The following CNTNAP4 variants were observed in gnomAD, a reference collection of about 807,000 sequenced individuals.
The protein encoded by CNTNAP4 is contactin-associated protein-like 4.
CNTNAP4 carries 98 observed loss-of-function variants against 148.4 expected under a neutral mutation model. The observed-to-expected ratio is 0.66, with a 90% CI of 0.56 to 0.78. The LOEUF is 0.78. CNTNAP4 is among the 30% of genes least tolerant of loss of function. The pLI is 0.00. For missense variants in CNTNAP4, 1,935 were observed against 1,565.6 expected, an observed-to-expected ratio of 1.24 and a Z score of -3.98; for synonymous variants, 730 against 565.1, an observed-to-expected ratio of 1.29 and a Z score of -4.14.
intron 2 of CNTNAP4, among the ~76,000 whole-genome samples, chr16:76,343,472 T>G (rs978154142): frequency 1.3e-5 from 2 of 152,212 alleles, no homozygotes; most frequent in African/African-American, 2.4e-5. Context: ...ATCTTTTTCT[T>G]GGCAAATCCA....
At chr16:76,486,510 A>C (rs2082032745) in intron 12 of CNTNAP4, among the ~76,000 whole-genome samples, 1 of 152,168 alleles carries the variant, frequency 6.6e-6, no homozygotes, top group African/African-American at 2.4e-5. Context: ...CAGACAAGAC[A>C]AGAATTATTT....
chr16:76,439,714 A>G (rs897541550), intron 4 of CNTNAP4, among the ~76,000 whole-genome samples: 7 of 152,120 alleles, frequency 4.6e-5, no homozygotes, highest in African/African-American at 1.7e-4. Flanking sequence ...AAAAGATAAT[A>G]AGGGCACCTT....
At position 76,462,009 on chromosome 16, in the gene CNTNAP4, A is replaced by G. The variant is rs2080986831; in HGVS notation, c.1387A>G (p.Asn463Asp). Residue 463 changes from asparagine to aspartate, a missense_variant, in exon 9 of 24, where the codon AAT becomes GAT. Physicochemically the swap from Asn to Asp is conservative, Grantham distance 23 (BLOSUM62 1). Coordinates refer to ENST00000611870, the MANE Select transcript of CNTNAP4 (RefSeq NM_033401.5). ...WHSVSLSAKK[N>D]HLSVAVDGQM... ...TTCTGTCTCTTTATCTGCTAAAAAG[A>G]ATCACTTGAGTGTGGCGGTGGACGG... 1 of 1,613,892 alleles carries G rather than the reference A, an allele frequency of 6.2e-7. No individual in the cohort carries two copies. The highest frequency in any genetic ancestry group is 8.5e-7 in the Non-Finnish European group (1 of 1,179,814).
At position 76,416,103 on chromosome 16, in the gene CNTNAP4, G is replaced by T. The variant is rs926892923; in HGVS notation, c.391-11349G>T. 2.3e-4 allele frequency among the ~76,000 whole-genome samples: 34 copies of T among 150,972 alleles called. No homozygotes were observed. The Middle Eastern group carries it at 0.01, about 45-fold the overall frequency. On this transcript the variant is annotated intron_variant, in intron 3 of 23. Coordinates refer to ENST00000611870, the MANE Select transcript of CNTNAP4 (RefSeq NM_033401.5). The stretch of plus-strand genomic sequence containing the variant: ...TGATATCCATGGGCTCAATATTGGT[G>T]ACTTTGCTTTCATTTGTGATATTGA...
At chr16:76,470,651 G>A (rs1242393985) in intron 10 of CNTNAP4, among the ~76,000 whole-genome samples, 1 of 150,236 alleles carries the variant, frequency 6.7e-6, no homozygotes, top group East Asian at 1.9e-4. Context: ...ACGCCGTCTC[G>A]AAAAACAAAA....
At chr16:76,429,131 C>T (rs2079525247) in intron 4 of CNTNAP4, among the ~76,000 whole-genome samples, 1 of 152,158 alleles carries the variant, frequency 6.6e-6, no homozygotes, top group Admixed American at 6.6e-5. Context: ...CTTCAACAAT[C>T]CAGCTTAGCT....
chr16:76,358,064 T>G (rs77521931), intron 3 of CNTNAP4, among the ~76,000 whole-genome samples: 1 of 152,218 alleles, frequency 6.6e-6, no homozygotes, highest in Non-Finnish European at 1.5e-5. Flanking sequence ...CTGGGCGTTT[T>G]GGCTCACATC....
intron 9 of CNTNAP4, among the ~76,000 whole-genome samples, chr16:76,466,064 A>G (rs1223943183): frequency 2.6e-5 from 4 of 152,218 alleles, no homozygotes; most frequent in Admixed American, 6.5e-5. Flanking sequence ...TTAGTGGTTG[A>G]TGACTATCAT....
chr16:76,345,802 A>C (rs2115388), intron 2 of CNTNAP4, among the ~76,000 whole-genome samples: 28,270 of 152,134 alleles, frequency 0.19, 3,008 homozygotes, highest in East Asian at 0.33. Flanking sequence ...AATTTACAAT[A>C]TTAAGTTTTA....
intron 2 of CNTNAP4, among the ~76,000 whole-genome samples, chr16:76,329,295 G>C (rs1265149724): frequency 6.6e-6 from 1 of 152,172 alleles, no homozygotes; most frequent in Non-Finnish European, 1.5e-5. Flanking sequence ...AAACATCAAA[G>C]CCTCAGTGGA....
At chr16:76,499,488 T>A (rs980015258) in intron 15 of CNTNAP4, among the ~76,000 whole-genome samples, 4 of 152,062 alleles carry the variant, frequency 2.6e-5, no homozygotes, top group Non-Finnish European at 5.9e-5. Flanking sequence ...ACTAATTTAT[T>A]ACAACGCTGT....
At chr16:76,413,172 G>T (rs773775813) in intron 3 of CNTNAP4, among the ~76,000 whole-genome samples, 11 of 151,082 alleles carry the variant, frequency 7.3e-5, no homozygotes, top group Admixed American at 1.3e-4. Flanking sequence ...TAGTCACCCT[G>T]TTGTGCTATC....
intron 18 of CNTNAP4, 34 bp from the exon 19 acceptor site, chr16:76,538,082 T>C (rs1185527490): frequency 9.9e-7 from 1 of 1,007,574 alleles, no homozygotes; most frequent in South Asian, 3.1e-5. Context: ...GTACTTAAAA[T>C]TTTTAACAAA....
chr16:76,429,612 T>A (rs1433674875), intron 4 of CNTNAP4, among the ~76,000 whole-genome samples: 6 of 152,166 alleles, frequency 3.9e-5, no homozygotes, highest in African/African-American at 1.4e-4. Context: ...TGGGACTGTT[T>A]ATGCTGTTTT....
chr16:76,505,017 C>T (rs2082790795), intron 15 of CNTNAP4, among the ~76,000 whole-genome samples: 1 of 152,124 alleles, frequency 6.6e-6, no homozygotes, highest in Admixed American at 6.6e-5. Flanking sequence ...CATTGCACTA[C>T]AGATGCAAAA....
chr16:76,498,617 A>C lies in CNTNAP4; in HGVS notation c.2288A>C (p.Lys763Thr). 2 of 1,612,940 alleles carry C rather than the reference A, an allele frequency of 1.2e-6. No homozygotes were observed. The highest frequency in any genetic ancestry group is 2.2e-5 in the South Asian group (2 of 90,752). ...TATAAAGAACATCTTCCAGTAACTA[A>C]GATCGTGATTACAGACACAGGCCGA... ...LAYKEHLPVT[K>T]IVITDTGRLH... The change falls in exon 15 of 24, where the codon AAG becomes ACG. Residue 763 changes from lysine to threonine, a missense_variant. Transcript: ENST00000611870.
At position 76,447,977 on chromosome 16, in the gene CNTNAP4, A is replaced by G. The variant is rs752113180; in HGVS notation, c.539-35A>G. 1.1e-5 allele frequency: 16 copies of G among 1,455,588 alleles called. No homozygotes were observed. The South Asian group carries it at 1.5e-4, about 14-fold the overall frequency. The allele number at this position is 1,455,588 out of a possible 1,614,324, so 90.2% of individuals were successfully genotyped here. A position where few individuals can be genotyped will look rare whatever the true frequency, so the allele number is the denominator to read the frequency against. On this transcript the variant is annotated intron_variant, in intron 4 of 23. Transcript: ENST00000611870. Reference sequence around the variant, plus strand: ...AAATGATTTAATGGAAAAGATATTTATCCTTAGAATGCCTTCTACTATCTT... The same window carrying G: ...AAATGATTTAATGGAAAAGATATTTGTCCTTAGAATGCCTTCTACTATCTT...
chr16:76,497,569 A>G (rs1036617386), intron 14 of CNTNAP4, among the ~76,000 whole-genome samples: 5 of 152,076 alleles, frequency 3.3e-5, no homozygotes, highest in Non-Finnish European at 5.9e-5. Context: ...GCTGGAAACC[A>G]TCATTCTCAG....
intron 10 of CNTNAP4, among the ~76,000 whole-genome samples, chr16:76,471,598 C>G (rs1277760493): frequency 6.6e-6 from 1 of 152,114 alleles, no homozygotes. Context: ...CATCCAGGCC[C>G]GTTGTTTTCC....
Sources: allele counts gnomAD v4.1 joint callset (sites outside exome capture counted in the v4.1 genomes callset), GRCh38; gene constraint gnomAD v4.1.1; transcripts MANE v1.5; gene names NCBI Gene and HGNC (gene_info 2026-07-23, HGNC 2026-07-21).